Variants in CAST observed in about 807,000 individuals in gnomAD.
The protein encoded by CAST is calpastatin.
In CAST, 76 loss-of-function variants were observed where a neutral mutation model predicts 119.6. The observed-to-expected ratio is 0.64, with a 90% CI of 0.53 to 0.77. The LOEUF is 0.77. Among genes scored for constraint, CAST ranks in the 30% least tolerant of loss-of-function variants. The pLI, the probability that CAST is intolerant of heterozygous loss-of-function variation, is 0.00. For synonymous variants in CAST, 319 were observed against 331.6 expected (o/e 0.96, Z 0.41); for missense variants, 953 against 946.5 (o/e 1.01, Z -0.09).
At chr5:96,648,109 T>C (rs1481158695) in intron 1 of CAST, among the ~76,000 whole-genome samples, 3 of 152,250 alleles carry the variant, frequency 2.0e-5, no homozygotes, top group African/African-American at 7.2e-5. Context: ...ATCACTTCTC[T>C]CTGTGTGAAC....
the CAST span, among the ~76,000 whole-genome samples, chr5:96,447,559 T>C: frequency 1.3e-5 from 2 of 151,978 alleles, no homozygotes; most frequent in South Asian, 2.1e-4. Context: ...GGGCAGAAAA[T>C]AGACAAGGGC....
chr5:96,387,714 C>T, the CAST span, among the ~76,000 whole-genome samples: 13 of 152,188 alleles, frequency 8.5e-5, 1 homozygote, highest in East Asian at 1.4e-3. Flanking sequence ...CTGGACCCTC[C>T]CCAAGAATGA....
intron 1 of CAST, among the ~76,000 whole-genome samples, chr5:96,653,930 T>C (rs1748123841): frequency 6.6e-6 from 1 of 152,098 alleles, no homozygotes; most frequent in Non-Finnish European, 1.5e-5. Flanking sequence ...TTCATTCTTG[T>C]TGCTTAACTA....
intron 3 of CAST, among the ~76,000 whole-genome samples, chr5:96,700,326 TAAAGTA>T (rs1342287744): frequency 1.3e-5 from 2 of 152,256 alleles, no homozygotes. Context: ...AATTTAAGGT[TAAAGTA>T]AATCTACTTC....
At chr5:96,230,936 C>T in the CAST span, among the ~76,000 whole-genome samples, 26 of 152,136 alleles carry the variant, frequency 1.7e-4, no homozygotes, top group South Asian at 1.0e-3. Flanking sequence ...AAAACCACAA[C>T]GAGATACTAC....
At chr5:96,768,084 T>A in intron 29 of CAST, 85 bp downstream of exon 29, 2 of 888,930 alleles carry the variant, frequency 2.2e-6, no homozygotes, top group Non-Finnish European at 3.7e-6. Context: ...TTGATTGATC[T>A]ATCTATCGGT....
At chr5:96,048,873 GGT>G in the CAST span, among the ~76,000 whole-genome samples, 1 of 152,166 alleles carries the variant, frequency 6.6e-6, no homozygotes, top group African/African-American at 2.4e-5. Context: ...CAATGGAAGG[GGT>G]GAAGCAATGG....
At chr5:96,333,234 G>A in the CAST span, among the ~76,000 whole-genome samples, 1 of 151,988 alleles carries the variant, frequency 6.6e-6, no homozygotes, top group African/African-American at 2.4e-5. Context: ...GTGTGTGCCC[G>A]AGTTAGAGTG....
the CAST span, chr5:96,423,322 A>G: frequency 6.2e-6 from 10 of 1,609,850 alleles, no homozygotes; most frequent in Admixed American, 6.7e-5. Context: ...CATAGTTGGC[A>G]TAAATGTCCG....
chr5:96,599,972 A>AAAAAAAAAG (rs72256983), intron 1 of CAST, among the ~76,000 whole-genome samples: 143 of 142,534 alleles, frequency 1.0e-3, no homozygotes, highest in Middle Eastern at 3.7e-3. Flanking sequence ...TAGGCAAAAA[A>AAAAAAAAAG]AAAAAAAAAA....
chr5:96,412,792 C>T, the CAST span: 247 of 259,020 alleles, frequency 9.5e-4, 2 homozygotes, highest in Middle Eastern at 7.9e-3. Flanking sequence ...ACTCAAGGCT[C>T]TCTTCCCAGC....
chr5:96,463,068 G>T, the CAST span, among the ~76,000 whole-genome samples: 5 of 152,080 alleles, frequency 3.3e-5, no homozygotes, highest in African/African-American at 1.2e-4. Context: ...GTGATAACGT[G>T]TATCTAAGAT....
chr5:96,059,443 G>A, the CAST span, among the ~76,000 whole-genome samples: 2 of 152,126 alleles, frequency 1.3e-5, no homozygotes, highest in Non-Finnish European at 2.9e-5. Context: ...AAATGATATG[G>A]CAGTGTTTCT....
intron 1 of CAST, among the ~76,000 whole-genome samples, chr5:96,608,836 A>G (rs1399335339): frequency 6.6e-6 from 1 of 152,156 alleles, no homozygotes; most frequent in African/African-American, 2.4e-5. Context: ...CAGGCAGAAG[A>G]AAGAGCAGGA....
intron 1 of CAST, among the ~76,000 whole-genome samples, chr5:96,626,268 C>G (rs1747720767): frequency 6.6e-6 from 1 of 152,218 alleles, no homozygotes; most frequent in African/African-American, 2.4e-5. Context: ...AAGGCACCAT[C>G]ATTGTCCACC....
chr5:96,127,092 A>C, the CAST span, among the ~76,000 whole-genome samples: 2 of 152,104 alleles, frequency 1.3e-5, no homozygotes, highest in African/African-American at 4.8e-5. Context: ...ATATGTTGGA[A>C]TAACTTAGCA....
At chr5:96,743,463 C>T (rs1392173967) in intron 16 of CAST, 12 of 936,032 alleles carry the variant, frequency 1.3e-5, no homozygotes, top group Non-Finnish European at 1.8e-5. Context: ...CTGGGATCCC[C>T]AGGAGCCCGC....
chr5:96,515,788 AG>A, the CAST span, among the ~76,000 whole-genome samples: 1 of 152,040 alleles, frequency 6.6e-6, no homozygotes, highest in Non-Finnish European at 1.5e-5. Flanking sequence ...AATGGGTACA[AG>A]TGTTCGACTC....
chr5:96,754,260 T>G (rs963204844), intron 21 of CAST, 99 bp downstream of exon 21: 1 of 790,032 alleles, frequency 1.3e-6, no homozygotes, highest in Non-Finnish European at 2.2e-6. Context: ...ATATTTCCTG[T>G]AAAACATGAC....
Sources: gnomAD v4.1 joint callset for allele counts (sites outside exome capture counted in the v4.1 genomes callset) on GRCh38, gnomAD v4.1.1 for gene constraint, MANE v1.5 for transcripts, NCBI Gene and HGNC (gene_info 2026-07-23, HGNC 2026-07-21) for gene names.